RNF220: variants seen among roughly 807,000 people sequenced by gnomAD.
RNF220 encodes ring finger protein 220.
In RNF220, 7 loss-of-function variants were observed where a neutral mutation model predicts 67.1. The ratio of observed to expected loss-of-function variants is 0.10; its 90% CI spans 0.06 to 0.20. The LOEUF is 0.20. Ranked by LOEUF, RNF220 falls within the 10% of genes least tolerant of loss-of-function variation. RNF220 has a pLI of 1.00. For missense variants in RNF220, 565 were observed against 740.3 expected (o/e 0.76, Z 2.75); for synonymous variants, 270 against 283.2 (o/e 0.95, Z 0.47).
At chr1:44,640,835 C>T (rs142893597) in intron 8 of RNF220, among the ~76,000 whole-genome samples, 181 of 152,340 alleles carry the variant, frequency 1.2e-3, no homozygotes, top group African/African-American at 4.1e-3. Flanking sequence ...GAAGCTGCTG[C>T]CCCTGCCCTC....
At position 44,606,900 on chromosome 1, in the gene RNF220, C is replaced by A. The variant is rs1387501978; in HGVS notation, c.626-7265C>A. 6.6e-6 allele frequency among the ~76,000 whole-genome samples: 1 copy of A among 152,206 alleles called. No individual in the cohort carries two copies. Among genetic ancestry groups the A allele is most frequent in the Non-Finnish European group, 1.5e-5 (1 of 68,036 alleles). ...CTCTGGCTCACATAGAGTGCCTACT[C>A]AGCATTTTCACATGAATGTCTAATA... On this transcript the variant is annotated intron_variant, in intron 2 of 14. Coordinates refer to ENST00000361799, the MANE Select transcript of RNF220 (RefSeq NM_018150.4). This position sits in a 1 kb window ranked among gnomAD's most constrained non-coding sequence, Gnocchi z 4.2.
intron 2 of RNF220, among the ~76,000 whole-genome samples, chr1:44,549,529 G>C (rs1662449850): frequency 6.6e-6 from 1 of 152,132 alleles, no homozygotes; most frequent in African/African-American, 2.4e-5. Context: ...CCAGCCAGCA[G>C]GTCCTGAAGC....
At chr1:44,578,947 C>T (rs1422284842) in intron 2 of RNF220, among the ~76,000 whole-genome samples, 3 of 151,998 alleles carry the variant, frequency 2.0e-5, no homozygotes, top group African/African-American at 7.2e-5. Flanking sequence ...GGGTGGATCA[C>T]GAGGTCAGGA....
intron 2 of RNF220, among the ~76,000 whole-genome samples, chr1:44,558,596 G>A (rs976704324): frequency 6.6e-6 from 1 of 152,074 alleles, no homozygotes; most frequent in Non-Finnish European, 1.5e-5. Flanking sequence ...CCTTACAACA[G>A]CCCTGCAAGG....
chr1:44,409,855 G>A (rs998226088), intron 1 of RNF220, among the ~76,000 whole-genome samples: 1 of 151,936 alleles, frequency 6.6e-6, no homozygotes, highest in African/African-American at 2.4e-5. Flanking sequence ...TATACAAGTT[G>A]TTAATGTGAG....
intron 8 of RNF220, among the ~76,000 whole-genome samples, chr1:44,642,342 A>G (rs1184136088): frequency 6.6e-6 from 1 of 152,224 alleles, no homozygotes; most frequent in Non-Finnish European, 1.5e-5. Flanking sequence ...GATGAGCCCA[A>G]TAAAGGTTGA....
intron 2 of RNF220, among the ~76,000 whole-genome samples, chr1:44,420,442 G>A (rs1013891398): frequency 3.3e-5 from 5 of 152,166 alleles, no homozygotes; most frequent in Admixed American, 6.5e-5. Context: ...AGAGACCTTC[G>A]CTTTATTTTC....
rs74711992 is a variant in RNF220 at position 44,556,480 on chromosome 1, T to A, written c.626-57685T>A. Among the ~76,000 whole-genome samples the A allele has an allele frequency of 2.1e-3, 324 of 150,740 alleles. 23 individuals are homozygous for A. The highest frequency in any genetic ancestry group is 7.8e-3 in the African/African-American group (315 of 40,400). The stretch of plus-strand genomic sequence containing the variant: ...CTGCTGTCCTCTGGTAAACCTGCCC[T>A]CTTTTTAATGCAACTCCCTCAGACT... On this transcript the variant is annotated intron_variant, in intron 2 of 14. Transcript: ENST00000361799.
intron 2 of RNF220, among the ~76,000 whole-genome samples, chr1:44,578,149 T>C (rs1016782203): frequency 2.7e-5 from 4 of 145,758 alleles, no homozygotes; most frequent in Non-Finnish European, 6.0e-5. Context: ...CTTTCCTTTT[T>C]TTTTTTTTTT....
chr1:44,578,251 CA>C (rs1054512741), intron 2 of RNF220, among the ~76,000 whole-genome samples: 2 of 149,380 alleles, frequency 1.3e-5, no homozygotes, highest in African/African-American at 4.9e-5. Flanking sequence ...CGGGTTCAAG[CA>C]GTTCTCTGAC....
chr1:44,601,068 G>T (rs953504826), intron 2 of RNF220, among the ~76,000 whole-genome samples: 3 of 152,100 alleles, frequency 2.0e-5, no homozygotes, highest in Admixed American at 6.5e-5. Context: ...TAGACTGTTA[G>T]CTCCATAAGG....
intron 2 of RNF220, among the ~76,000 whole-genome samples, chr1:44,550,738 T>C (rs1662560377): frequency 6.6e-6 from 1 of 152,178 alleles, no homozygotes; most frequent in South Asian, 2.1e-4. Context: ...AGGCTTTGAA[T>C]GAAGGTTTCC....
At chr1:44,431,586 C>T (rs960024627) in intron 2 of RNF220, among the ~76,000 whole-genome samples, 1 of 151,810 alleles carries the variant, frequency 6.6e-6, no homozygotes, top group African/African-American at 2.4e-5. Flanking sequence ...GATGTGAGTG[C>T]TAAATGGAAT....
intron 2 of RNF220, among the ~76,000 whole-genome samples, chr1:44,500,351 A>G (rs1657723669): frequency 6.6e-6 from 1 of 152,130 alleles, no homozygotes; most frequent in Non-Finnish European, 1.5e-5. Context: ...TCCTATGTCT[A>G]AATTCTGCCT....
rs1237059306 is a variant in RNF220 at position 44,626,299 on chromosome 1, C to T, written c.807C>T (p.Ser269=). Residue 269 remains serine, a splice_region_variant and synonymous_variant, in exon 5 of 15, where the codon TCC becomes TCT. Coordinates refer to ENST00000361799, the MANE Select transcript of RNF220 (RefSeq NM_018150.4). ...ACATGTCTTTTTTCTTCTTCCAGTC[C>T]CTCCTGTTGTCTGCTTCCATCAAGA... The part of the protein sequence containing the change: ...KDAMAPGTPK[S]LLLSASIKRE... 6.2e-7 allele frequency: 1 copy of T among 1,613,546 alleles called. No homozygotes were observed. The highest frequency in any genetic ancestry group is 8.5e-7 in the Non-Finnish European group (1 of 1,179,478).
intron 2 of RNF220, among the ~76,000 whole-genome samples, chr1:44,588,733 A>G (rs1052174382): frequency 2.6e-5 from 4 of 152,190 alleles, no homozygotes; most frequent in African/African-American, 9.6e-5. Flanking sequence ...GCTGGAGCTT[A>G]GGGCTGGCTA....
At chr1:44,636,235 C>A in intron 8 of RNF220, 73 bp downstream of exon 8, 1 of 1,557,354 alleles carries the variant, frequency 6.4e-7, no homozygotes. Context: ...TGCTGGAAGC[C>A]AAGAGGCCGA....
chr1:44,418,082 C>G (rs1482667192), intron 2 of RNF220, among the ~76,000 whole-genome samples: 2 of 152,188 alleles, frequency 1.3e-5, no homozygotes, highest in African/African-American at 4.8e-5. Flanking sequence ...TTCCTCTACG[C>G]CGTCTGAGCA....
intron 2 of RNF220, among the ~76,000 whole-genome samples, chr1:44,555,962 G>T (rs270768): frequency 6.7e-6 from 1 of 149,692 alleles, no homozygotes; most frequent in African/African-American, 2.5e-5. Flanking sequence ...CCCCTACCCA[G>T]AATGTATTTC....
Sources: gnomAD v4.1 joint callset for allele counts (sites outside exome capture counted in the v4.1 genomes callset) on GRCh38, gnomAD v4.1.1 for gene constraint, Gnocchi (gnomAD v3.1) non-coding constraint, MANE v1.5 for transcripts, NCBI Gene and HGNC (gene_info 2026-07-23, HGNC 2026-07-21) for gene names.